The following ANK3 variants were observed in gnomAD, a reference collection of about 807,000 sequenced individuals.
ANK3 encodes the protein ankyrin 3, also known as ankyrin-3.
In ANK3, 57 loss-of-function variants were observed where a neutral mutation model predicts 370.9. The ratio of observed to expected loss-of-function variants is 0.15; its 90% CI spans 0.12 to 0.19. ANK3 has a LOEUF of 0.19. ANK3 is among the 10% of genes least tolerant of loss of function. The pLI is 1.00. For missense variants in ANK3, 4,439 were observed against 5,302.1 expected, an observed-to-expected ratio of 0.84 and a Z score of 5.06; for synonymous variants, 1,929 against 1,946.3, an observed-to-expected ratio of 0.99 and a Z score of 0.23.
At chr10:60,190,693 T>G (rs1045416997) in intron 16 of ANK3, among the ~76,000 whole-genome samples, 3 of 152,154 alleles carry the variant, frequency 2.0e-5, no homozygotes, top group Non-Finnish European at 4.4e-5. Flanking sequence ...CAATTCCTGT[T>G]AAAATATCAA....
At chr10:60,516,138 G>A (rs2076212584) in intron 2 of ANK3, among the ~76,000 whole-genome samples, 2 of 152,042 alleles carry the variant, frequency 1.3e-5, no homozygotes, top group African/African-American at 2.4e-5. Flanking sequence ...TGGCCAAGGA[G>A]GAGGTGAAAT....
chr10:60,518,502 C>G lies in ANK3; in HGVS notation c.96+96684G>C, dbSNP rs186491592. Among the ~76,000 whole-genome samples the G allele has an allele frequency of 5.3e-5, 8 of 152,204 alleles. No homozygotes were observed. The East Asian group carries it at 1.6e-3, about 30-fold the overall frequency. ...TTGTTAAACATCTAGACTCCAGGCT[C>G]TACCTCAGAACTCCTGAATCAGAAT... is the stretch of plus-strand genomic sequence containing the variant. On this transcript the variant is annotated intron_variant, in intron 2 of 43. Coordinates refer to the ANK3 transcript ENST00000373827.
At chr10:60,389,934 A>G, upstream of ANK3, 1 of 851,028 alleles carries the variant, frequency 1.2e-6, no homozygotes, top group African/African-American at 1.8e-5. Flanking sequence ...AAGAATCAAG[A>G]GTCACCACAC....
chr10:60,335,905 G>A (rs1321141850), intron 1 of ANK3, among the ~76,000 whole-genome samples: 2 of 152,134 alleles, frequency 1.3e-5, no homozygotes, highest in Admixed American at 1.3e-4. Context: ...CCTCTAGGTG[G>A]CAGAGATGGA....
intron 7 of ANK3, among the ~76,000 whole-genome samples, chr10:60,250,691 C>T (rs1301234022): frequency 1.3e-5 from 2 of 152,106 alleles, no homozygotes; most frequent in South Asian, 4.1e-4. Flanking sequence ...ACTAAGGGGA[C>T]CTCACTCCTT....
intron 18 of ANK3, among the ~76,000 whole-genome samples, chr10:60,176,938 C>T (rs1044056294): frequency 6.6e-6 from 1 of 152,138 alleles, no homozygotes; most frequent in East Asian, 1.9e-4. Context: ...CTCTAGGTTT[C>T]TATCCTTTGA....
intron 2 of ANK3, among the ~76,000 whole-genome samples, chr10:60,413,310 T>C (rs902568816): frequency 6.6e-6 from 1 of 152,254 alleles, no homozygotes; most frequent in African/African-American, 2.4e-5. Flanking sequence ...AGAATGAATA[T>C]GAAACTGTGG....
At chr10:60,487,232 A>T (rs535643233) in intron 2 of ANK3, among the ~76,000 whole-genome samples, 1 of 152,342 alleles carries the variant, frequency 6.6e-6, no homozygotes, top group African/African-American at 2.4e-5. Context: ...TTAGCACAAC[A>T]CCTGGAATCA....
At chr10:60,319,667 A>ACCTTG (rs1361818755) in intron 1 of ANK3, among the ~76,000 whole-genome samples, 1 of 152,196 alleles carries the variant, frequency 6.6e-6, no homozygotes, top group Admixed American at 6.5e-5. Context: ...AAGGAATGAA[A>ACCTTG]CCTTGCCTCA....
chr10:60,112,475 C>T (rs1346691133), intron 26 of ANK3, among the ~76,000 whole-genome samples: 2 of 152,048 alleles, frequency 1.3e-5, no homozygotes, highest in Non-Finnish European at 2.9e-5. Flanking sequence ...TAAAGAAATG[C>T]AATGTTACTA....
At chr10:60,277,609 A>G (rs1483215951) in intron 4 of ANK3, among the ~76,000 whole-genome samples, 2 of 152,198 alleles carry the variant, frequency 1.3e-5, no homozygotes, top group Admixed American at 1.3e-4. Flanking sequence ...GTATTTTCAA[A>G]TCATTCTTAT....
chr10:60,696,247 G>A (rs1167995607), intron 1 of ANK3, among the ~76,000 whole-genome samples: 1 of 150,032 alleles, frequency 6.7e-6, no homozygotes, highest in African/African-American at 2.5e-5. Context: ...CTCTGAAATT[G>A]TGGCAATAAT....
intron 2 of ANK3, among the ~76,000 whole-genome samples, chr10:60,515,543 A>G (rs1469002702): frequency 6.6e-6 from 1 of 152,174 alleles, no homozygotes; most frequent in Non-Finnish European, 1.5e-5. Flanking sequence ...AAGGGCTTTA[A>G]TGTAATTATA....
intron 33 of ANK3, 119 bp from the exon 34 acceptor site, chr10:60,082,856 G>A (rs1451989952): frequency 5.0e-6 from 6 of 1,201,098 alleles, no homozygotes; most frequent in Non-Finnish European, 5.8e-6. Flanking sequence ...AAGGTAAAGG[G>A]AAAAGATGAT....
intron 8 of ANK3, among the ~76,000 whole-genome samples, chr10:60,231,873 A>C: frequency 6.6e-6 from 1 of 152,200 alleles, no homozygotes; most frequent in Admixed American, 6.5e-5. Context: ...CACATAATAC[A>C]GGAGGAATGT....
chr10:60,588,609 CT>C (rs2077867266), intron 2 of ANK3, among the ~76,000 whole-genome samples: 1 of 151,718 alleles, frequency 6.6e-6, no homozygotes, highest in South Asian at 2.1e-4. Context: ...AACAAATTAC[CT>C]AATTCTCTCA....
At chr10:60,050,964 TTATAACCTC>T (rs2077865325) in intron 42 of ANK3, among the ~76,000 whole-genome samples, 1 of 152,026 alleles carries the variant, frequency 6.6e-6, no homozygotes, top group Non-Finnish European at 1.5e-5. Context: ...CCATGCCAGG[TTATAACCTC>T]AAATTCTCAG....
At chr10:60,599,263 G>T (rs2078028801) in intron 2 of ANK3, among the ~76,000 whole-genome samples, 1 of 151,940 alleles carries the variant, frequency 6.6e-6, no homozygotes. Context: ...CTCATCAGAT[G>T]GTAAAAATTA....
intron 2 of ANK3, among the ~76,000 whole-genome samples, chr10:60,432,891 T>C (rs2064062358): frequency 6.6e-6 from 1 of 152,056 alleles, no homozygotes; most frequent in African/African-American, 2.4e-5. Flanking sequence ...CATGAACAAG[T>C]TGAAAATTTG....
Sources: gnomAD v4.1 joint callset for allele counts (sites outside exome capture counted in the v4.1 genomes callset) on GRCh38, gnomAD v4.1.1 for gene constraint, MANE v1.5 for transcripts, NCBI Gene and HGNC (gene_info 2026-07-23, HGNC 2026-07-21) for gene names.